TUSC3: variants seen among roughly 807,000 people sequenced by gnomAD.
TUSC3 encodes tumor suppressor candidate 3, also known as dolichyl-diphosphooligosaccharide--protein glycosyltransferase subunit TUSC3.
A neutral mutation model predicts 44.8 loss-of-function variants in TUSC3; 45 were observed. That is an observed-to-expected ratio of 1.00 (90% CI 0.79 to 1.29). The LOEUF (loss-of-function observed/expected upper bound fraction) is 1.29, where lower values mean the gene tolerates loss of function less well. Among genes scored for constraint, TUSC3 ranks in the 50% most tolerant of loss-of-function variants. The pLI is 0.00. For missense variants in TUSC3, 519 were observed against 437.9 expected, an observed-to-expected ratio of 1.19 and a Z score of -1.65; for synonymous variants, 212 against 152.9, an observed-to-expected ratio of 1.39 and a Z score of -2.85.
intron 2 of TUSC3, among the ~76,000 whole-genome samples, chr8:15,490,470 T>C (rs78745993): frequency 0.012 from 1,899 of 152,102 alleles, 15 homozygotes; most frequent in Non-Finnish European, 0.019. Context: ...GCCCCTCCCA[T>C]TGGGTGCACT....
the TUSC3 span, among the ~76,000 whole-genome samples, chr8:15,848,353 C>G: frequency 6.6e-6 from 1 of 152,200 alleles, no homozygotes; most frequent in Admixed American, 6.5e-5. Flanking sequence ...AACAGAGGAG[C>G]TGGTTGGAAC....
intron 6 of TUSC3, among the ~76,000 whole-genome samples, chr8:15,697,936 C>T (rs1260913627): frequency 3.3e-5 from 5 of 152,100 alleles, no homozygotes; most frequent in African/African-American, 1.2e-4. Flanking sequence ...CAGATTATAT[C>T]AGAGTTTAAT....
At chr8:15,534,329 C>T (rs937348992) in intron 2 of TUSC3, among the ~76,000 whole-genome samples, 9 of 152,070 alleles carry the variant, frequency 5.9e-5, no homozygotes, top group Non-Finnish European at 1.3e-4. Context: ...TTAAATTTCT[C>T]ATGGTTAAAA....
intron 1 of TUSC3, among the ~76,000 whole-genome samples, chr8:15,583,117 C>T (rs979949297): frequency 6.6e-6 from 1 of 152,054 alleles, no homozygotes; most frequent in African/African-American, 2.4e-5. Context: ...TACCCCATGG[C>T]AATAAGAATA....
At chr8:15,618,848 T>TA (rs1442792854) in intron 1 of TUSC3, among the ~76,000 whole-genome samples, 2 of 152,222 alleles carry the variant, frequency 1.3e-5, no homozygotes, top group Non-Finnish European at 2.9e-5. Flanking sequence ...GCTGCAGTGT[T>TA]ACCACGGCTG....
intron 6 of TUSC3, among the ~76,000 whole-genome samples, chr8:15,729,980 T>C (rs537933965): frequency 5.3e-5 from 8 of 151,724 alleles, no homozygotes; most frequent in East Asian, 1.9e-4. Flanking sequence ...TTATTTTTTT[T>C]CTCCAGTTTT....
At chr8:15,539,489 C>T (rs28637649), upstream of TUSC3, among the ~76,000 whole-genome samples, 1 of 150,242 alleles carries the variant, frequency 6.7e-6, no homozygotes, top group African/African-American at 2.4e-5. Context: ...AGTAGAGGAA[C>T]TGCAAGGCGC....
chr8:15,756,608 A>C (rs1398938872), intron 9 of TUSC3, among the ~76,000 whole-genome samples: 1 of 152,172 alleles, frequency 6.6e-6, no homozygotes, highest in Non-Finnish European at 1.5e-5. Context: ...CTAAGCACAT[A>C]GTAGGTGCTC....
chr8:15,651,217 G>C (rs761299556), intron 3 of TUSC3, among the ~76,000 whole-genome samples: 1 of 152,054 alleles, frequency 6.6e-6, no homozygotes, highest in African/African-American at 2.4e-5. Flanking sequence ...ACATGCATTG[G>C]TCTTATTCTG....
In TUSC3 at chr8:15,503,567, G is replaced by T. The variant is rs571714645; in HGVS notation, n.189+20084G>T. Among the ~76,000 whole-genome samples, 14 of 152,188 alleles carry T rather than the reference G, an allele frequency of 9.2e-5. No individual in the cohort carries two copies. In the East Asian group the frequency reaches 2.7e-3, roughly 29 times the overall value. On this transcript the variant is annotated intron_variant and non_coding_transcript_variant, in intron 2 of 5. Coordinates refer to the TUSC3 transcript ENST00000503191. ...AAAAAATTAAAAATTAGCCAGACATGGTGGCTCACACCTGTAGCCCCAGCT... is the reference window on the plus strand; with the variant it reads ...AAAAAATTAAAAATTAGCCAGACATTGTGGCTCACACCTGTAGCCCCAGCT...
At chr8:15,821,540 A>C in the TUSC3 span, among the ~76,000 whole-genome samples, 151,447 of 151,528 alleles carry the variant, frequency 1, 75,683 homozygotes, top group Middle Eastern at 1. Flanking sequence ...CTGCTTTTTT[A>C]CCCCACTATA....
At chr8:15,526,595 G>A (rs1439605031) in intron 2 of TUSC3, among the ~76,000 whole-genome samples, 1 of 152,048 alleles carries the variant, frequency 6.6e-6, no homozygotes, top group Non-Finnish European at 1.5e-5. Flanking sequence ...CTTTCTCTTG[G>A]CTCTCATTCT....
intron 2 of TUSC3, among the ~76,000 whole-genome samples, chr8:15,524,814 A>G (rs1801352492): frequency 3.2e-5 from 3 of 94,192 alleles, no homozygotes; most frequent in Admixed American, 1.3e-4. Flanking sequence ...AACAGATTAA[A>G]TATAGAAAGA....
chr8:15,658,631 C>CAT (rs146151106), intron 3 of TUSC3, among the ~76,000 whole-genome samples: 20 of 109,420 alleles, frequency 1.8e-4, no homozygotes, highest in East Asian at 1.5e-3. Flanking sequence ...TATATATACA[C>CAT]ATATATATAC....
chr8:15,458,379 C>T (rs1563256433), intron 1 of TUSC3, among the ~76,000 whole-genome samples: 1 of 152,088 alleles, frequency 6.6e-6, no homozygotes, highest in Non-Finnish European at 1.5e-5. Flanking sequence ...GCTGCGACTA[C>T]AGGAGCATGC....
At chr8:15,485,507 G>C (rs1216182656) in intron 2 of TUSC3, among the ~76,000 whole-genome samples, 1 of 141,582 alleles carries the variant, frequency 7.1e-6, no homozygotes, top group African/African-American at 2.8e-5. Context: ...TTGTCACCCA[G>C]GCTGGAGTGC....
chr8:15,438,112 T>A (rs978654997), intron 1 of TUSC3, among the ~76,000 whole-genome samples: 1 of 152,194 alleles, frequency 6.6e-6, no homozygotes, highest in African/African-American at 2.4e-5. Context: ...GTTGGGTTTT[T>A]TGAGACGGAG....
intron 1 of TUSC3, among the ~76,000 whole-genome samples, chr8:15,459,504 G>C (rs1800310857): frequency 6.6e-6 from 1 of 151,968 alleles, no homozygotes; most frequent in African/African-American, 2.4e-5. Flanking sequence ...TAGGGTACAG[G>C]TGGTGTTTGG....
intron 7 of TUSC3, among the ~76,000 whole-genome samples, chr8:15,741,774 T>C (rs765138595): frequency 3.3e-5 from 5 of 152,150 alleles, no homozygotes; most frequent in African/African-American, 4.8e-5. Flanking sequence ...TGTATTTAAA[T>C]GTGTAGATAA....
Sources: gnomAD v4.1 joint callset for allele counts (sites outside exome capture counted in the v4.1 genomes callset) on GRCh38, gnomAD v4.1.1 for gene constraint, MANE v1.5 for transcripts, NCBI Gene and HGNC (gene_info 2026-07-23, HGNC 2026-07-21) for gene names.